Variants in MAPK14 observed in about 807,000 individuals in gnomAD.
MAPK14 encodes CSAID-binding protein.
Under a neutral mutation model 49.6 loss-of-function variants are expected in MAPK14, and 16 were observed. The observed-to-expected ratio is 0.32, with a 90% CI of 0.22 to 0.49. The LOEUF (loss-of-function observed/expected upper bound fraction) is 0.49. Among genes scored for constraint, MAPK14 ranks in the 20% least tolerant of loss-of-function variants. MAPK14 has a pLI of 0.99. For synonymous variants in MAPK14, 142 were observed against 158.0 expected (o/e 0.90, Z 0.76); for missense variants, 200 against 441.2 (o/e 0.45, Z 4.90).
At chr6:36,090,667 C>T (rs1235714874) in intron 8 of MAPK14, among the ~76,000 whole-genome samples, 12 of 152,094 alleles carry the variant, frequency 7.9e-5, no homozygotes, top group African/African-American at 2.7e-4. Context: ...GCTGGGATTA[C>T]AGGTGCACGT....
At chr6:36,038,944 A>G (rs376477294) in intron 1 of MAPK14, among the ~76,000 whole-genome samples, 10 of 152,132 alleles carry the variant, frequency 6.6e-5, no homozygotes, top group African/African-American at 1.9e-4. Flanking sequence ...CAACAGTTAA[A>G]CATTTAAGTT....
chr6:36,044,833 A>G (rs1264317856), intron 1 of MAPK14, among the ~76,000 whole-genome samples: 1 of 151,954 alleles, frequency 6.6e-6, no homozygotes, highest in Non-Finnish European at 1.5e-5. Flanking sequence ...TTCCTCTTGG[A>G]TTAAGTCTGT....
At chr6:36,075,343 G>T (rs1764487475) in intron 6 of MAPK14, among the ~76,000 whole-genome samples, 1 of 151,962 alleles carries the variant, frequency 6.6e-6, no homozygotes, top group Admixed American at 6.6e-5. Flanking sequence ...TATAGATTAG[G>T]TTTATCTTTT....
intron 1 of MAPK14, among the ~76,000 whole-genome samples, chr6:36,049,905 G>A (rs1289398704): frequency 6.6e-6 from 1 of 152,120 alleles, no homozygotes; most frequent in Non-Finnish European, 1.5e-5. Flanking sequence ...TTATAGATTT[G>A]GGGCTAAGCA....
chr6:36,064,766 A>G (rs757912553), intron 3 of MAPK14, among the ~76,000 whole-genome samples: 5 of 152,258 alleles, frequency 3.3e-5, no homozygotes, highest in Non-Finnish European at 7.3e-5. Context: ...AGGCACAGTA[A>G]TAGTCTCTGA....
chr6:36,096,916 TC>T (rs1470916792), intron 9 of MAPK14: 1 of 152,178 alleles, frequency 6.6e-6, no homozygotes, highest in Admixed American at 6.5e-5. Context: ...CTTTTCTTTT[TC>T]CCTCGATCTG....
At position 36,109,877 on chromosome 6, in the gene MAPK14, C is replaced by T. The variant is rs201403820; in HGVS notation, c.*1430C>T. 3.1e-4 allele frequency: 47 copies of T among 152,702 alleles called. No individual in the cohort carries two copies. The East Asian group carries it at 4.2e-3, about 14-fold the overall frequency. 9.5% of individuals were successfully genotyped at this position (152,702 alleles called of 1,614,324 possible). On this transcript the variant is annotated 3_prime_UTR_variant, in exon 12 of 12. Coordinates refer to ENST00000229794, the MANE Select transcript of MAPK14 (RefSeq NM_139012.3). ...AAAGTAACAAGGTGTCTTTTCCACT[C>T]CTATGGAAAAGGGTCTTCTTGGCAG...
intron 6 of MAPK14, 45 bp downstream of exon 6, chr6:36,074,141 T>G (rs1229547742): frequency 6.6e-7 from 1 of 1,517,408 alleles, no homozygotes; most frequent in Non-Finnish European, 9.1e-7. Flanking sequence ...ACTTTGAGAT[T>G]ATATGTTTGA....
rs897209122 is a variant in MAPK14, at chr6:36,037,297, T to C, written c.116+9024T>C. Among the ~76,000 whole-genome samples the C allele has an allele frequency of 5.9e-5, 9 of 152,148 alleles. 1 individual carries two copies. Among genetic ancestry groups the C allele is most frequent in the Admixed American group, 5.2e-4 (8 of 15,270 alleles). On this transcript the variant is annotated intron_variant, in intron 1 of 11. Coordinates refer to ENST00000229794, the MANE Select transcript of MAPK14 (RefSeq NM_139012.3). ...AATTAACCAGCTTTCCCGTGCAGTGTTCAAGTCTTTTAATAATTTATTATA... is the reference window on the plus strand; with the variant it reads ...AATTAACCAGCTTTCCCGTGCAGTGCTCAAGTCTTTTAATAATTTATTATA...
At chr6:36,041,478 G>T (rs983657092) in intron 1 of MAPK14, among the ~76,000 whole-genome samples, 5 of 152,136 alleles carry the variant, frequency 3.3e-5, no homozygotes, top group Admixed American at 2.6e-4. Flanking sequence ...AAGAATGACT[G>T]ATCCTTTGGA....
Position 36,075,922 on chromosome 6 carries a change from T to C in MAPK14, c.570T>C (p.Ala190=). The C allele has an allele frequency of 6.2e-7, 1 of 1,614,098 alleles. No individual in the cohort carries two copies. The highest frequency in any genetic ancestry group is 8.5e-7 in the Non-Finnish European group (1 of 1,179,992). Residue 190 remains alanine, a synonymous_variant, in exon 7 of 12, where the codon GCT becomes GCC. Coordinates refer to ENST00000229794, the MANE Select transcript of MAPK14 (RefSeq NM_139012.3). The part of the protein sequence containing the change: ...TGYVATRWYR[A]PEIMLNWMHY... ...ACGTGGCCACTAGGTGGTACAGGGC[T>C]CCTGAGATCATGCTGAACTGGATGC...
At chr6:36,120,940 C>T in the MAPK14 span, among the ~76,000 whole-genome samples, 2 of 152,160 alleles carry the variant, frequency 1.3e-5, no homozygotes. Flanking sequence ...CAAGAACTTA[C>T]AATTTAGGTT....
At chr6:36,047,492 T>C (rs934158367) in intron 1 of MAPK14, among the ~76,000 whole-genome samples, 4 of 152,232 alleles carry the variant, frequency 2.6e-5, no homozygotes, top group African/African-American at 9.6e-5. Flanking sequence ...CATTTTACTC[T>C]GTATGCCAAG....
chr6:36,087,126 G>A (rs140863762), intron 8 of MAPK14, among the ~76,000 whole-genome samples: 2 of 152,250 alleles, frequency 1.3e-5, no homozygotes, highest in African/African-American at 4.8e-5. Flanking sequence ...CAGTAAACTA[G>A]GTGTTGATGG....
intron 2 of MAPK14, among the ~76,000 whole-genome samples, chr6:36,053,482 C>T (rs993354770): frequency 4.0e-5 from 6 of 151,864 alleles, no homozygotes; most frequent in East Asian, 1.9e-4. Flanking sequence ...AATTCTAATA[C>T]GATAAATAAG....
chr6:36,040,358 A>AT (rs1174762287), intron 1 of MAPK14, among the ~76,000 whole-genome samples: 1 of 152,176 alleles, frequency 6.6e-6, no homozygotes, highest in Non-Finnish European at 1.5e-5. Context: ...AACCACTTAT[A>AT]TAACCCTATA....
intron 3 of MAPK14, among the ~76,000 whole-genome samples, chr6:36,064,005 A>G (rs558007332): frequency 1.5e-3 from 232 of 152,252 alleles, no homozygotes; most frequent in African/African-American, 4.8e-3. Context: ...AATAGCCAAT[A>G]TTTGAACCTA....
At chr6:36,100,419 G>C in intron 9 of MAPK14, 1 of 647,942 alleles carries the variant, frequency 1.5e-6, no homozygotes, top group South Asian at 1.8e-5. Flanking sequence ...TGACTTTTGG[G>C]ATAAAATGTC....
chr6:36,072,771 A>G, intron 3 of MAPK14, 102 bp from the exon 4 acceptor site: 1 of 645,006 alleles, frequency 1.6e-6, no homozygotes, highest in Non-Finnish European at 2.7e-6. Context: ...TTCAAAAACA[A>G]AAACAAAAAC....
Sources: gnomAD v4.1 joint callset for allele counts (sites outside exome capture counted in the v4.1 genomes callset) on GRCh38, gnomAD v4.1.1 for gene constraint, MANE v1.5 for transcripts, NCBI Gene and HGNC (gene_info 2026-07-23, HGNC 2026-07-21) for gene names.